The following CD300LG variants were observed in gnomAD, a reference collection of about 807,000 sequenced individuals.
The protein encoded by CD300LG is CD300 molecule like family member g, also known as CMRF35-like molecule 9.
CD300LG carries 29 observed loss-of-function variants against 31.5 expected under a neutral mutation model. That is an observed-to-expected ratio of 0.92 (90% confidence interval 0.68 to 1.25). The LOEUF is 1.25. Ranked by LOEUF, CD300LG falls within the 50% of genes most tolerant of loss-of-function variation. CD300LG has a pLI of 0.00. For missense variants in CD300LG, 396 were observed against 417.6 expected (o/e 0.95, Z 0.45); for synonymous variants, 175 against 177.2 (o/e 0.99, Z 0.10).
chr17:43,851,761 T>C (rs1370249772), intron 2 of CD300LG, among the ~76,000 whole-genome samples: 1 of 151,454 alleles, frequency 6.6e-6, no homozygotes, highest in African/African-American at 2.4e-5. Context: ...TTTCACGTGT[T>C]AGCCAGGATG....
intron 6 of CD300LG, chr17:43,858,566 G>C (rs2046589491): frequency 2.0e-6 from 2 of 985,470 alleles, no homozygotes; most frequent in African/African-American, 3.5e-5. Flanking sequence ...CAGGCAGAGG[G>C]GCTCTAGGGG....
At chr17:43,861,320 A>G (rs1163473583) in intron 6 of CD300LG, 2 of 980,970 alleles carry the variant, frequency 2.0e-6, no homozygotes, top group Admixed American at 6.1e-5. Context: ...CACTCTGACA[A>G]TTAGAGGAAG....
rs554268588 is a variant in CD300LG at position 43,847,209 on chromosome 17, C to T, written c.-8C>T. 6 of 1,613,820 alleles carry T rather than the reference C, an allele frequency of 3.7e-6. No homozygotes were observed. The highest frequency in any genetic ancestry group is 2.2e-5 in the East Asian group (1 of 44,872). ...CAGCGTCTGCTCCCACGGTGTCCAG[C>T]GCCCAGAATGCGGCTTCTGGTCCTG... On this transcript the variant is annotated 5_prime_UTR_variant, in exon 1 of 7. Coordinates refer to ENST00000317310, the MANE Select transcript of CD300LG (RefSeq NM_145273.4).
chr17:43,858,480 T>C (rs1468303045), intron 6 of CD300LG: 2 of 985,290 alleles, frequency 2.0e-6, no homozygotes, highest in Non-Finnish European at 2.4e-6. Flanking sequence ...AGGGCTGCTT[T>C]GGGCTTTTTC....
chr17:43,858,575 G>A, intron 6 of CD300LG: 1 of 985,450 alleles, frequency 1.0e-6, no homozygotes, highest in African/African-American at 1.7e-5. Flanking sequence ...GGGCTCTAGG[G>A]GGCGGCCCCT....
intron 6 of CD300LG, chr17:43,861,025 T>A: frequency 2.3e-6 from 2 of 858,098 alleles, no homozygotes; most frequent in Non-Finnish European, 2.8e-6. Context: ...GGCACCTCCC[T>A]GCCTTGCCCA....
chr17:43,847,344 C>G, intron 1 of CD300LG, 85 bp downstream of exon 1: 1 of 1,478,666 alleles, frequency 6.8e-7, no homozygotes, highest in South Asian at 1.2e-5. Context: ...GACTGATAGC[C>G]CCACCCCACC....
Position 43,861,902 on chromosome 17 carries a change from C to T in CD300LG, c.990C>T (p.Val330=). 1 of 1,609,118 alleles carries T rather than the reference C, an allele frequency of 6.2e-7. No individual in the cohort carries two copies. The highest frequency in any genetic ancestry group is 1.1e-5 in the South Asian group (1 of 90,008). Residue 330 remains valine (V), a synonymous_variant, in exon 7 of 7, where the codon GTC becomes GTT. Coordinates refer to ENST00000317310, the MANE Select transcript of CD300LG (RefSeq NM_145273.4). The part of the protein sequence containing the change: ...SEEELGFSKF[V]SA ...AGGAGCTGGGCTTCTCGAAGTTTGT[C>T]TCAGCGTAGGGCAGGAGGCCCTCCT... is the stretch of plus-strand genomic sequence containing the variant.
At chr17:43,859,692 C>T (rs1158846291) in intron 6 of CD300LG, among the ~76,000 whole-genome samples, 1 of 152,114 alleles carries the variant, frequency 6.6e-6, no homozygotes, top group Non-Finnish European at 1.5e-5. Flanking sequence ...GTCTGCCCTG[C>T]ACCAAGGCCC....
At chr17:43,855,414 G>A (rs145592342) in intron 5 of CD300LG, 95 bp downstream of exon 5, 11 of 680,444 alleles carry the variant, frequency 1.6e-5, no homozygotes, top group African/African-American at 3.7e-5. Context: ...GAAAGACCCT[G>A]TGGGTCTCAG....
At chr17:43,851,717 C>T (rs947597782) in intron 2 of CD300LG, among the ~76,000 whole-genome samples, 2 of 145,640 alleles carry the variant, frequency 1.4e-5, no homozygotes, top group African/African-American at 2.6e-5. Flanking sequence ...GGCGCGATCT[C>T]GGCTAATTTT....
chr17:43,847,854 G>A (rs1195369174), intron 1 of CD300LG, among the ~76,000 whole-genome samples: 1 of 152,152 alleles, frequency 6.6e-6, no homozygotes, highest in Non-Finnish European at 1.5e-5. Context: ...GGGAGGCTAA[G>A]GTGGGAGGAT....
At position 43,862,397 on chromosome 17, in the gene CD300LG, G is replaced by A. The variant is rs1028132654; in HGVS notation, c.*486G>A. ...ATGCTGGGGTGAGACTGGGATTCTG[G>A]CTTCTCTTTGAACCACCTGCATCCC... On this transcript the variant is annotated 3_prime_UTR_variant, in exon 7 of 7. Coordinates refer to ENST00000317310, the MANE Select transcript of CD300LG (RefSeq NM_145273.4). The A allele has an allele frequency of 6.6e-6, 1 of 152,264 alleles. No homozygotes were observed. Among genetic ancestry groups the A allele is most frequent in the Non-Finnish European group, 1.5e-5 (1 of 68,134 alleles). 9.4% of individuals were successfully genotyped at this position (152,264 alleles called of 1,614,324 possible).
Position 43,847,276 on chromosome 17 carries a change from G to A in CD300LG, c.43+17G>A. 6.2e-7 allele frequency: 1 copy of A among 1,613,348 alleles called. No homozygotes were observed. Among genetic ancestry groups the A allele is most frequent in the Non-Finnish European group, 8.5e-7 (1 of 1,179,624 alleles). On this transcript the variant is annotated intron_variant, in intron 1 of 6. Coordinates refer to ENST00000317310, the MANE Select transcript of CD300LG (RefSeq NM_145273.4). Reference sequence around the variant, plus strand: ...TGCTCCCAGGTGAGATGGGGAGAGGGTCTCGGGAGGGATGTGGGGCTCACC... The same window carrying A: ...TGCTCCCAGGTGAGATGGGGAGAGGATCTCGGGAGGGATGTGGGGCTCACC...
intron 1 of CD300LG, 93 bp from the exon 2 acceptor site, chr17:43,848,465 G>A (rs1412826746): frequency 2.9e-6 from 3 of 1,034,290 alleles, no homozygotes; most frequent in East Asian, 2.4e-5. Context: ...ACTGAGAAAA[G>A]CCTTCCTTCT....
chr17:43,861,044 A>C (rs2046642876), intron 6 of CD300LG: 1 of 961,162 alleles, frequency 1.0e-6, no homozygotes, highest in Non-Finnish European at 1.2e-6. Context: ...CACCCCTCCC[A>C]CGTTTCCCTC....
rs537642832 is a variant in CD300LG at position 43,860,493 on chromosome 17, G to C, written c.886-1305G>C. Among the ~76,000 whole-genome samples the C allele has an allele frequency of 1.6e-4, 24 of 152,362 alleles. No homozygotes were observed. The South Asian group carries it at 4.4e-3, about 28-fold the overall frequency. On this transcript the variant is annotated intron_variant, in intron 6 of 6. Coordinates refer to ENST00000317310, the MANE Select transcript of CD300LG (RefSeq NM_145273.4). ...GGGAGCTTGGCCGGCTCCAGCCTCTGCTCCGCCCACCTGCTAGGGCAAGGC... is the reference window on the plus strand; with the variant it reads ...GGGAGCTTGGCCGGCTCCAGCCTCTCCTCCGCCCACCTGCTAGGGCAAGGC...
chr17:43,852,695 G>A (rs2046393451), intron 2 of CD300LG, among the ~76,000 whole-genome samples: 1 of 152,218 alleles, frequency 6.6e-6, no homozygotes, highest in African/African-American at 2.4e-5. Flanking sequence ...AGGCAGGTGG[G>A]TTTGAGGCTC....
At chr17:43,847,281 G>A (rs71383000) in intron 1 of CD300LG, 22 bp downstream of exon 1, 2 of 1,613,244 alleles carry the variant, frequency 1.2e-6, no homozygotes, top group African/African-American at 1.3e-5. Flanking sequence ...AGAGGGTCTC[G>A]GGAGGGATGT....
Sources: allele counts gnomAD v4.1 joint callset (sites outside exome capture counted in the v4.1 genomes callset), GRCh38; gene constraint gnomAD v4.1.1; transcripts MANE v1.5; gene names NCBI Gene and HGNC (gene_info 2026-07-23, HGNC 2026-07-21).